Variants in PGM5 observed in about 807,000 individuals in gnomAD.
PGM5 encodes the protein phosphoglucomutase-like protein 5.
A neutral mutation model predicts 59.2 loss-of-function variants in PGM5; 23 were observed. The observed-to-expected ratio is 0.39, with a 90% CI of 0.28 to 0.55. The LOEUF is 0.55. Among genes scored for constraint, PGM5 ranks in the 20% least tolerant of loss-of-function variants. PGM5 has a pLI of 0.66. For missense variants in PGM5, 574 were observed against 748.3 expected (o/e 0.77, Z 2.72); for synonymous variants, 214 against 286.0 (o/e 0.75, Z 2.54).
intron 6 of PGM5, among the ~76,000 whole-genome samples, chr9:68,433,917 A>G (rs997102182): frequency 2.0e-5 from 3 of 152,250 alleles, no homozygotes; most frequent in Non-Finnish European, 2.9e-5. Flanking sequence ...TATTTACTAT[A>G]CTTAACTGAA....
At chr9:68,439,706 TAC>T (rs1210124249) in intron 6 of PGM5, among the ~76,000 whole-genome samples, 2 of 148,326 alleles carry the variant, frequency 1.3e-5, no homozygotes, top group Non-Finnish European at 3.0e-5. Context: ...TATATATATA[TAC>T]ACACACACAT....
chr9:68,481,257 A>G (rs1263946191), intron 8 of PGM5, among the ~76,000 whole-genome samples: 1 of 152,350 alleles, frequency 6.6e-6, no homozygotes, highest in East Asian at 1.9e-4. Context: ...ACCTTCTGGG[A>G]GATGTAAACA....
intron 2 of PGM5, among the ~76,000 whole-genome samples, chr9:68,379,972 T>C (rs1252884496): frequency 6.6e-6 from 1 of 151,942 alleles, no homozygotes; most frequent in Non-Finnish European, 1.5e-5. Context: ...TTAGTGGACA[T>C]GAAGGAAGAA....
chr9:68,366,408 T>C (rs576353968), intron 1 of PGM5, among the ~76,000 whole-genome samples: 47 of 152,384 alleles, frequency 3.1e-4, no homozygotes, highest in African/African-American at 1.0e-3. Flanking sequence ...AATGATAGCT[T>C]GTTGGTGAAA....
intron 10 of PGM5, among the ~76,000 whole-genome samples, chr9:68,501,305 A>G (rs1824570183): frequency 6.6e-6 from 1 of 152,202 alleles, no homozygotes; most frequent in African/African-American, 2.4e-5. Context: ...TTGACTCACC[A>G]ACTTAAGCCC....
At chr9:68,389,998 G>A (rs1310268520) in intron 4 of PGM5, among the ~76,000 whole-genome samples, 2 of 152,030 alleles carry the variant, frequency 1.3e-5, no homozygotes, top group African/African-American at 4.8e-5. Flanking sequence ...TCTTTTCCCT[G>A]TATAATTTTT....
In PGM5 at chr9:68,496,260, G is replaced by A. The variant is rs118171096; in HGVS notation, c.1480-2967G>A. Among the ~76,000 whole-genome samples the A allele has an allele frequency of 5.3e-3, 811 of 152,284 alleles. 3 individuals carry two copies. The highest frequency in any genetic ancestry group is 9.3e-3 in the Admixed American group (143 of 15,298). ...ACACATGATGGAAAGAACATGGCTCGTGTCTGGGTTGCAAATTCATTAAGT... is the reference window on the plus strand; with the variant it reads ...ACACATGATGGAAAGAACATGGCTCATGTCTGGGTTGCAAATTCATTAAGT... On this transcript the variant is annotated intron_variant, in intron 9 of 10. Transcript: ENST00000396396.
At chr9:68,376,371 A>G (rs778098858) in intron 1 of PGM5, among the ~76,000 whole-genome samples, 3 of 151,576 alleles carry the variant, frequency 2.0e-5, no homozygotes, top group Non-Finnish European at 2.9e-5. Flanking sequence ...TATTATTATT[A>G]TTGCTTATTT....
rs1554687364 is a variant in PGM5, at chr9:68,483,999, A to T, written c.1430A>T (p.Asp477Val). 3 of 1,614,018 alleles carry T rather than the reference A, an allele frequency of 1.9e-6. No homozygotes were observed. Among genetic ancestry groups the T allele is most frequent in the Non-Finnish European group, 2.5e-6 (3 of 1,180,010 alleles). Residue 477 changes from aspartate (D) to valine (V), a missense_variant, in exon 9 of 11, where the codon GAT becomes GTT. Transcript: ENST00000396396. ...CATGTCTACAGCGTGGCGAAGACGG[A>T]TAGTTTTGAATACGTGGACCCTGTG... is the stretch of plus-strand genomic sequence containing the variant. ...GSHVYSVAKT[D>V]SFEYVDPVDG...
At chr9:68,425,428 G>A (rs375457835) in intron 6 of PGM5, among the ~76,000 whole-genome samples, 1 of 152,200 alleles carries the variant, frequency 6.6e-6, no homozygotes, top group Non-Finnish European at 1.5e-5. Flanking sequence ...ATGGAGGGAT[G>A]TGGAGACTTT....
intron 1 of PGM5, among the ~76,000 whole-genome samples, chr9:68,372,272 T>C (rs1391062280): frequency 8.1e-6 from 1 of 122,804 alleles, no homozygotes; most frequent in African/African-American, 3.2e-5. Context: ...CTAGGGAGAA[T>C]CTGCTCCCGC....
chr9:68,464,767 C>G (rs1196629894), intron 6 of PGM5, among the ~76,000 whole-genome samples: 1 of 152,028 alleles, frequency 6.6e-6, no homozygotes, highest in Non-Finnish European at 1.5e-5. Context: ...CAAATACCCT[C>G]TTAATTTAGA....
intron 1 of PGM5, among the ~76,000 whole-genome samples, chr9:68,358,910 C>T (rs1554676043): frequency 6.6e-6 from 1 of 152,074 alleles, no homozygotes; most frequent in Non-Finnish European, 1.5e-5. Flanking sequence ...TGAAGTTTGG[C>T]TAGAATCAGG....
At position 68,529,355 on chromosome 9, in the gene PGM5, A is replaced by G. The variant is rs1287084244; in HGVS notation, c.1615-212A>G. On this transcript the variant is annotated intron_variant, in intron 10 of 10. Coordinates refer to ENST00000396396, the MANE Select transcript of PGM5 (RefSeq NM_021965.4). ...AGATAAATTTCTTTTGAAGCTGGTTAAGACTTTGGAGATCACCTTCTCCCC... is the reference window on the plus strand; with the variant it reads ...AGATAAATTTCTTTTGAAGCTGGTTGAGACTTTGGAGATCACCTTCTCCCC... 2.6e-5 allele frequency among the ~76,000 whole-genome samples: 4 copies of G among 152,054 alleles called. No homozygotes were observed. In the East Asian group the frequency reaches 7.7e-4, roughly 29 times the overall value.
At chr9:68,375,262 C>T (rs146341480) in intron 1 of PGM5, among the ~76,000 whole-genome samples, 3,628 of 152,248 alleles carry the variant, frequency 0.024, 49 homozygotes, top group Non-Finnish European at 0.036. Flanking sequence ...AGATCTGCAT[C>T]GTTCAGTGTG....
intron 6 of PGM5, among the ~76,000 whole-genome samples, chr9:68,436,302 C>T (rs914926411): frequency 2.6e-5 from 4 of 152,106 alleles, no homozygotes; most frequent in Admixed American, 6.5e-5. Flanking sequence ...AATCCTGAAC[C>T]TAGTAATTTG....
At chr9:68,382,802 G>T (rs752237936) in intron 2 of PGM5, among the ~76,000 whole-genome samples, 6 of 151,678 alleles carry the variant, frequency 4.0e-5, no homozygotes, top group African/African-American at 1.2e-4. Flanking sequence ...AGCATGGATG[G>T]TTGAATGGCA....
chr9:68,505,075 G>A (rs1053668565), intron 10 of PGM5, among the ~76,000 whole-genome samples: 1 of 152,156 alleles, frequency 6.6e-6, no homozygotes, highest in African/African-American at 2.4e-5. Context: ...GTGGCCTCAT[G>A]GCAGAATTAT....
chr9:68,520,356 A>C (rs760231202), intron 10 of PGM5, among the ~76,000 whole-genome samples: 1 of 152,040 alleles, frequency 6.6e-6, no homozygotes, highest in Non-Finnish European at 1.5e-5. Flanking sequence ...AGGGAGAGAG[A>C]GATGAAAATG....
Sources: allele counts gnomAD v4.1 joint callset (sites outside exome capture counted in the v4.1 genomes callset), GRCh38; gene constraint gnomAD v4.1.1; transcripts MANE v1.5; gene names NCBI Gene and HGNC (gene_info 2026-07-23, HGNC 2026-07-21).